Variants in GSAP observed in about 807,000 individuals in gnomAD.
GSAP encodes the protein gamma-secretase activating protein, also known as gamma-secretase-activating protein.
In GSAP, 118 loss-of-function variants were observed where a neutral mutation model predicts 131.7. That is an observed-to-expected ratio of 0.90 (90% CI 0.77 to 1.04). The LOEUF is 1.04. Among genes scored for constraint, GSAP ranks in the 50% least tolerant of loss-of-function variants. The pLI is 0.00. For synonymous variants in GSAP, 381 were observed against 363.4 expected, an observed-to-expected ratio of 1.05 and a Z score of -0.55; for missense variants, 1,019 against 1,013.2, an observed-to-expected ratio of 1.01 and a Z score of -0.08.
intron 12 of GSAP, among the ~76,000 whole-genome samples, chr7:77,364,183 T>C (rs1794939180): frequency 6.6e-6 from 1 of 152,082 alleles, no homozygotes; most frequent in Non-Finnish European, 1.5e-5. Context: ...TCTCAAATAG[T>C]AGTGAATGAG....
Position 77,311,074 on chromosome 7 carries a change from T to C in GSAP, c.*284A>G, listed in dbSNP as rs1305323169. Reference sequence around the variant, plus strand: ...ATTTCAGAGTGCAACAGAAACTAGCTTGTGGCCTATTAAGCTACTAGGAAG... The same window carrying C: ...ATTTCAGAGTGCAACAGAAACTAGCCTGTGGCCTATTAAGCTACTAGGAAG... On this transcript the variant is annotated 3_prime_UTR_variant, in exon 31 of 31. Transcript: ENST00000257626. The C allele has an allele frequency of 7.1e-6, 2 of 282,310 alleles. No homozygotes were observed. The highest frequency in any genetic ancestry group is 9.6e-5 in the Admixed American group (2 of 20,846). 17.5% of individuals were successfully genotyped at this position (282,310 alleles called of 1,614,324 possible).
At chr7:77,324,028 G>A (rs965047306) in intron 23 of GSAP, among the ~76,000 whole-genome samples, 1 of 152,162 alleles carries the variant, frequency 6.6e-6, no homozygotes, top group Non-Finnish European at 1.5e-5. Context: ...GACAGTGAAA[G>A]TCACCAACTT....
chr7:77,377,258 A>AAT, intron 9 of GSAP, 28 bp downstream of exon 9: 6 of 1,400,730 alleles, frequency 4.3e-6, no homozygotes, highest in Non-Finnish European at 4.7e-6. Context: ...AAAAAAAAAA[A>AAT]GGAGTGCCCG....
At chr7:77,348,707 C>T (rs1159720520) in intron 19 of GSAP, among the ~76,000 whole-genome samples, 1 of 152,162 alleles carries the variant, frequency 6.6e-6, no homozygotes, top group African/African-American at 2.4e-5. Context: ...ACATACATAT[C>T]CTTTTCTACT....
chr7:77,388,017 T>C (rs1298068246), intron 5 of GSAP, among the ~76,000 whole-genome samples: 2 of 152,260 alleles, frequency 1.3e-5, no homozygotes, highest in South Asian at 2.1e-4. Context: ...AGCAGACATG[T>C]CTGAACTTTC....
At chr7:77,350,572 TAA>T (rs368824065) in intron 18 of GSAP, among the ~76,000 whole-genome samples, 69 of 121,238 alleles carry the variant, frequency 5.7e-4, no homozygotes, top group Admixed American at 1.0e-3. Flanking sequence ...CCCGCTCTAC[TAA>T]AAAAAAAAAA....
intron 19 of GSAP, among the ~76,000 whole-genome samples, chr7:77,343,931 A>ACT (rs1328863304): frequency 6.6e-6 from 1 of 150,902 alleles, no homozygotes; most frequent in African/African-American, 2.4e-5. Context: ...CTATTCTACT[A>ACT]CTCTTCAGGG....
rs368115675 is a variant in GSAP, at chr7:77,321,371, A to G, written c.1956T>C (p.Asn652=). 11 of 1,607,052 alleles carry G rather than the reference A, an allele frequency of 6.8e-6. No individual in the cohort carries two copies. Among genetic ancestry groups the G allele is most frequent in the Admixed American group, 1.7e-5 (1 of 59,978 alleles). Residue 652 remains asparagine (N), a synonymous_variant, in exon 25 of 31, where the codon AAT becomes AAC. Coordinates refer to ENST00000257626, the MANE Select transcript of GSAP (RefSeq NM_017439.4). ...AGGAATGAAGATTATGTTTCCTCCA[A>G]TTGGTTTCTACGATGTGGCAAATGA... ...LDLICHIVET[N]WRKHNLHSWV...
chr7:77,401,789 C>T (rs113695833), intron 3 of GSAP, among the ~76,000 whole-genome samples: 2,073 of 152,184 alleles, frequency 0.014, 40 homozygotes, highest in African/African-American at 0.043. Flanking sequence ...TAGGAAATAT[C>T]GAAGACAATC....
chr7:77,404,138 C>T (rs1299458176), intron 3 of GSAP, among the ~76,000 whole-genome samples: 3 of 152,198 alleles, frequency 2.0e-5, no homozygotes, highest in Non-Finnish European at 1.5e-5. Flanking sequence ...GGCACAAGGG[C>T]CTGCCCAGGT....
rs10649095 is a variant in GSAP, at chr7:77,376,775, CAAAAAA to C, written c.741+67_741+72del. The C allele has an allele frequency of 0.019, 8,419 of 452,654 alleles. 492 individuals carry two copies. The African/African-American group carries it at 0.22, about 12-fold the overall frequency. 28.0% of individuals were successfully genotyped at this position (452,654 alleles called of 1,614,324 possible). A position where few individuals can be genotyped will look rare whatever the true frequency, so the allele number is the denominator to read the frequency against. ...TGTGCGACAGAGTGAGACTCCATCT[CAAAAAA>C]AAAAAAAAAAAAAAGAGAGTAATGT... On this transcript the variant is annotated intron_variant, in intron 10 of 30. Coordinates refer to ENST00000257626, the MANE Select transcript of GSAP (RefSeq NM_017439.4).
At chr7:77,367,907 A>G (rs540876331) in intron 12 of GSAP, among the ~76,000 whole-genome samples, 3 of 152,248 alleles carry the variant, frequency 2.0e-5, no homozygotes, top group South Asian at 2.1e-4. Flanking sequence ...CAGGGAATCA[A>G]TTTCTTCCTG....
chr7:77,380,283 A>C (rs1198067678), intron 8 of GSAP, among the ~76,000 whole-genome samples: 1 of 152,064 alleles, frequency 6.6e-6, no homozygotes, highest in Non-Finnish European at 1.5e-5. Context: ...GGGAACATGT[A>C]CTCTTACATT....
At chr7:77,398,155 G>C (rs1381150507) in intron 3 of GSAP, among the ~76,000 whole-genome samples, 2 of 152,154 alleles carry the variant, frequency 1.3e-5, no homozygotes, top group African/African-American at 4.8e-5. Flanking sequence ...GAGGATAAGG[G>C]AAAGAGACAG....
chr7:77,321,453 G>C (rs776117367), intron 24 of GSAP, 50 bp from the exon 25 acceptor site: 6 of 1,198,758 alleles, frequency 5.0e-6, no homozygotes, highest in Non-Finnish European at 6.2e-6. Flanking sequence ...CTTCCCTCAA[G>C]GGCCCCACAG....
intron 14 of GSAP, among the ~76,000 whole-genome samples, chr7:77,360,185 T>C (rs1244008220): frequency 6.6e-6 from 1 of 152,228 alleles, no homozygotes; most frequent in Non-Finnish European, 1.5e-5. Context: ...ATGTTCCATA[T>C]GCCATGTTCC....
chr7:77,337,247 G>C (rs1790131910), intron 19 of GSAP, among the ~76,000 whole-genome samples: 1 of 134,450 alleles, frequency 7.4e-6, no homozygotes, highest in Non-Finnish European at 1.5e-5. Flanking sequence ...CCACCTCCCA[G>C]GTTCAAGGGA....
intron 12 of GSAP, among the ~76,000 whole-genome samples, chr7:77,368,323 C>T (rs1486112866): frequency 6.6e-6 from 1 of 152,008 alleles, no homozygotes; most frequent in Non-Finnish European, 1.5e-5. Context: ...GTGGCACTTA[C>T]GCTTCCCTGT....
chr7:77,387,488 T>C (rs1183347496), intron 5 of GSAP, 40 bp from the exon 6 acceptor site: 1 of 1,023,142 alleles, frequency 9.8e-7, no homozygotes, highest in Non-Finnish European at 1.6e-6. Context: ...AAGATTGTAA[T>C]ATCACACATT....
Sources: gnomAD v4.1 joint callset for allele counts (sites outside exome capture counted in the v4.1 genomes callset) on GRCh38, gnomAD v4.1.1 for gene constraint, MANE v1.5 for transcripts, NCBI Gene and HGNC (gene_info 2026-07-23, HGNC 2026-07-21) for gene names.